GARIN5B: variants seen among roughly 807,000 people sequenced by gnomAD.
The protein encoded by GARIN5B is golgi associated RAB2 interactor family member 5B.
chr19:55,359,478 C>A, the GARIN5B span: 1 of 1,547,464 alleles, frequency 6.5e-7, no homozygotes, highest in East Asian at 2.4e-5. Context: ...GCAGGTACGG[C>A]TGGGGCCTTC....
chr19:55,359,427 T>G, the GARIN5B span: 5 of 1,550,092 alleles, frequency 3.2e-6, no homozygotes. Flanking sequence ...GCTGAGGCCT[T>G]CCGGGATGGA....
chr19:55,362,518 G>A, the GARIN5B span: 15 of 1,536,888 alleles, frequency 9.8e-6, no homozygotes, highest in Middle Eastern at 1.8e-4. Flanking sequence ...GAGAGGGAGA[G>A]GGGAGCGTCT....
chr19:55,362,308 G>T, the GARIN5B span: 5 of 1,549,902 alleles, frequency 3.2e-6, no homozygotes, highest in Non-Finnish European at 2.6e-6. Flanking sequence ...CCGTGCGCGT[G>T]GTCCTGGGGG....
chr19:55,359,971 T>A, the GARIN5B span: 1 of 1,546,002 alleles, frequency 6.5e-7, no homozygotes, highest in Admixed American at 2.0e-5. Context: ...CAGATGCAGA[T>A]GTGCAGGCCT....
the GARIN5B span, chr19:55,360,646 C>T: frequency 6.5e-7 from 1 of 1,541,814 alleles, no homozygotes; most frequent in East Asian, 2.4e-5. Flanking sequence ...CCAGCCCCTC[C>T]TCCCTCAGCT....
the GARIN5B span, chr19:55,359,215 C>A: frequency 6.4e-7 from 1 of 1,551,272 alleles, no homozygotes; most frequent in Non-Finnish European, 8.7e-7. Context: ...CAGGCGGGCT[C>A]AGCGCCATCT....
chr19:55,359,672 C>G, the GARIN5B span: 5 of 1,551,474 alleles, frequency 3.2e-6, no homozygotes, highest in Non-Finnish European at 4.4e-6. Flanking sequence ...GGCCTTCTGG[C>G]AGGGTGGTGG....
the GARIN5B span, among the ~76,000 whole-genome samples, chr19:55,357,317 A>G: frequency 1.3e-5 from 2 of 151,620 alleles, no homozygotes; most frequent in Admixed American, 1.3e-4. Flanking sequence ...TCTGCTCCAA[A>G]CCCTCCAGCT....
the GARIN5B span, chr19:55,362,524 C>T: frequency 7.9e-6 from 11 of 1,392,410 alleles, no homozygotes; most frequent in East Asian, 3.2e-5. Context: ...GAGAGGGGAG[C>T]GTCTAGAGCA....
the GARIN5B span, chr19:55,359,759 C>T: frequency 6.4e-7 from 1 of 1,551,348 alleles, no homozygotes; most frequent in Non-Finnish European, 8.7e-7. Context: ...TGTGGAGAGG[C>T]AGGCAGCCGG....
the GARIN5B span, chr19:55,359,041 C>A: frequency 3.7e-5 from 58 of 1,551,272 alleles, no homozygotes; most frequent in Non-Finnish European, 5.0e-5. Context: ...AGGGCGACTC[C>A]GGGGACTTGG....
the GARIN5B span, chr19:55,360,095 C>T: frequency 1.6e-5 from 12 of 752,536 alleles, no homozygotes; most frequent in African/African-American, 1.3e-4. Flanking sequence ...GCCCCAGCCC[C>T]TCCTCCCTCA....
At chr19:55,362,427 C>A in the GARIN5B span, 1 of 1,550,410 alleles carries the variant, frequency 6.4e-7, no homozygotes, top group Non-Finnish European at 8.7e-7. Context: ...TACTGGCGGC[C>A]CGAGACCAGG....
the GARIN5B span, chr19:55,358,410 TC>T: frequency 6.6e-7 from 1 of 1,505,442 alleles, no homozygotes; most frequent in African/African-American, 1.4e-5. Context: ...GGTGAGGCGG[TC>T]AGGGGGATAG....
the GARIN5B span, chr19:55,358,372 G>A: frequency 6.6e-7 from 1 of 1,513,538 alleles, no homozygotes; most frequent in Non-Finnish European, 8.9e-7. Flanking sequence ...GGGTCTCCGA[G>A]AGGGGCGATG....
the GARIN5B span, chr19:55,359,671 G>A: frequency 6.4e-7 from 1 of 1,551,560 alleles, no homozygotes; most frequent in African/African-American, 1.4e-5. Context: ...GGGCCTTCTG[G>A]CAGGGTGGTG....
chr19:55,361,084 T>C, the GARIN5B span: 4 of 1,551,296 alleles, frequency 2.6e-6, no homozygotes, highest in Admixed American at 7.8e-5. Flanking sequence ...GGCCTGAGAC[T>C]TGAAACTGCG....
chr19:55,363,207 G>C, the GARIN5B span: 3 of 889,426 alleles, frequency 3.4e-6, no homozygotes, highest in Non-Finnish European at 4.7e-6. This position sits in a 1 kb window ranked among gnomAD's most constrained non-coding sequence, Gnocchi z 4.0. Flanking sequence ...GATGCCCCAG[G>C]CTGGGAGACT....
chr19:55,358,234 G>A, the GARIN5B span: 18 of 1,550,828 alleles, frequency 1.2e-5, no homozygotes, highest in Non-Finnish European at 1.6e-5. Context: ...CTAAGAGCAT[G>A]GGCAAAAGAA....
Sources: gnomAD v4.1 joint callset for allele counts (sites outside exome capture counted in the v4.1 genomes callset) on GRCh38, gnomAD v4.1.1 for gene constraint, Gnocchi (gnomAD v3.1) non-coding constraint, MANE v1.5 for transcripts, NCBI Gene and HGNC (gene_info 2026-07-23, HGNC 2026-07-21) for gene names.